VAV3: variants seen among roughly 807,000 people sequenced by gnomAD.
VAV3 encodes the protein vav guanine nucleotide exchange factor 3, also known as guanine nucleotide exchange factor VAV3.
In VAV3, 94 loss-of-function variants were observed where a neutral mutation model predicts 131.2. That is an observed-to-expected ratio of 0.72 (90% CI 0.61 to 0.85). The LOEUF (loss-of-function observed/expected upper bound fraction) is 0.85, where lower values mean the gene tolerates loss of function less well. VAV3 is among the 40% of genes least tolerant of loss of function. The probability of loss-of-function intolerance (pLI) is 0.00; values close to 1 mark genes in which losing one functional copy is unlikely to be tolerated. For missense variants in VAV3, 939 were observed against 1,002.7 expected (o/e 0.94, Z 0.86); for synonymous variants, 349 against 342.0 (o/e 1.02, Z -0.22).
At chr1:107,772,933 C>A (rs1570932644) in intron 4 of VAV3, 90 bp from the exon 5 acceptor site, 4 of 1,128,428 alleles carry the variant, frequency 3.5e-6, no homozygotes, top group Middle Eastern at 2.0e-4. Context: ...GTAAAAAATC[C>A]AGAAAGGAAA....
At chr1:107,755,652 C>A in intron 11 of VAV3, 139 bp from the exon 12 acceptor site, 1 of 614,618 alleles carries the variant, frequency 1.6e-6, no homozygotes. Flanking sequence ...AAAATGAATG[C>A]CCAGTCAATC....
Position 107,755,412 on chromosome 1 carries a change from A to G in VAV3, c.1173+15T>C, listed in dbSNP as rs772563052. 1.7e-4 allele frequency: 276 copies of G among 1,579,910 alleles called. No individual in the cohort carries two copies. The highest frequency in any genetic ancestry group is 2.3e-4 in the Non-Finnish European group (264 of 1,149,566). On this transcript the variant is annotated intron_variant, in intron 12 of 26. Coordinates refer to ENST00000370056, the MANE Select transcript of VAV3 (RefSeq NM_006113.5). ...TGGGGGTGAGGGGAAGCTGGATGGA[A>G]AGATAATTACATACCAAATTCTCTA... is the stretch of plus-strand genomic sequence containing the variant.
At chr1:107,707,749 A>G (rs376710253) in intron 15 of VAV3, among the ~76,000 whole-genome samples, 1 of 152,232 alleles carries the variant, frequency 6.6e-6, no homozygotes. Flanking sequence ...TTCAGTTCAC[A>G]CTGAAGTACA....
At chr1:107,957,773 GA>G (rs1442672525) in intron 1 of VAV3, among the ~76,000 whole-genome samples, 2 of 150,958 alleles carry the variant, frequency 1.3e-5, no homozygotes, top group Non-Finnish European at 2.9e-5. Context: ...GGGGATTCGA[GA>G]AAAATAATAA....
At chr1:107,732,078 CCATCAG>C (rs1662278416) in intron 15 of VAV3, among the ~76,000 whole-genome samples, 1 of 152,198 alleles carries the variant, frequency 6.6e-6, no homozygotes, top group Non-Finnish European at 1.5e-5. Flanking sequence ...GAAAATTTGT[CCATCAG>C]CATCACATGC....
intron 8 of VAV3, 38 bp downstream of exon 8, chr1:107,766,409 C>T: frequency 2.9e-6 from 4 of 1,384,846 alleles, no homozygotes; most frequent in Non-Finnish European, 4.1e-6. Flanking sequence ...ACTATAATTA[C>T]AAGCTAAGAC....
At chr1:107,903,883 T>C (rs1671984609) in intron 1 of VAV3, among the ~76,000 whole-genome samples, 2 of 152,122 alleles carry the variant, frequency 1.3e-5, no homozygotes, top group South Asian at 2.1e-4. Flanking sequence ...GTTCTCTTGG[T>C]CACACCCAAT....
At chr1:107,675,319 T>A (rs1436052275) in intron 19 of VAV3, among the ~76,000 whole-genome samples, 4 of 152,204 alleles carry the variant, frequency 2.6e-5, no homozygotes, top group African/African-American at 9.7e-5. Flanking sequence ...TCTCATTTAA[T>A]CTTCATAATA....
At chr1:107,744,136 A>C (rs1663185289) in intron 15 of VAV3, among the ~76,000 whole-genome samples, 1 of 152,164 alleles carries the variant, frequency 6.6e-6, no homozygotes, top group South Asian at 2.1e-4. Context: ...AGGATAGTGC[A>C]TCCTGGTCCC....
intron 15 of VAV3, among the ~76,000 whole-genome samples, chr1:107,726,083 T>C (rs1331498308): frequency 6.6e-6 from 1 of 152,150 alleles, no homozygotes; most frequent in Non-Finnish European, 1.5e-5. Flanking sequence ...AATATCCCTA[T>C]CTCAGAATTA....
At chr1:107,649,433 A>G (rs1655993542) in intron 19 of VAV3, among the ~76,000 whole-genome samples, 2 of 152,196 alleles carry the variant, frequency 1.3e-5, no homozygotes, top group South Asian at 4.1e-4. Flanking sequence ...ACTTCTGTAA[A>G]CAAAAGATGA....
At chr1:107,899,631 G>A (rs1046973049) in intron 1 of VAV3, among the ~76,000 whole-genome samples, 9 of 152,166 alleles carry the variant, frequency 5.9e-5, no homozygotes, top group African/African-American at 2.2e-4. Context: ...GCAGAATGAT[G>A]TATCAAGGCT....
chr1:107,831,757 G>T (rs545188979), intron 2 of VAV3, among the ~76,000 whole-genome samples: 1 of 152,188 alleles, frequency 6.6e-6, no homozygotes, highest in Non-Finnish European at 1.5e-5. Flanking sequence ...CCAGCATCAT[G>T]CTAGTATATA....
intron 2 of VAV3, 40 bp from the exon 3 acceptor site, chr1:107,779,532 G>GA: frequency 6.7e-7 from 1 of 1,490,126 alleles, no homozygotes; most frequent in Non-Finnish European, 9.0e-7. Context: ...ATGTAGTTCA[G>GA]AAAATATAAG....
intron 26 of VAV3, 57 bp from the exon 27 acceptor site, chr1:107,573,429 G>A (rs17236099): frequency 0.04 from 64,297 of 1,603,894 alleles, 1,470 homozygotes; most frequent in African/African-American, 0.052. Flanking sequence ...CACTTCAAAG[G>A]ATTCTACAAA....
intron 1 of VAV3, among the ~76,000 whole-genome samples, chr1:107,902,114 A>T (rs932325758): frequency 2.0e-5 from 3 of 152,152 alleles, no homozygotes; most frequent in Non-Finnish European, 4.4e-5. Context: ...AAAATAAAAA[A>T]AAATTCAGAG....
At chr1:107,612,506 C>A (rs763120353) in intron 21 of VAV3, among the ~76,000 whole-genome samples, 9 of 151,918 alleles carry the variant, frequency 5.9e-5, no homozygotes, top group Non-Finnish European at 1.3e-4. Context: ...CCTTTGTGTC[C>A]TTGAGCACCA....
intron 20 of VAV3, among the ~76,000 whole-genome samples, chr1:107,640,715 G>A (rs560371124): frequency 6.6e-6 from 1 of 152,280 alleles, no homozygotes; most frequent in East Asian, 1.9e-4. Flanking sequence ...GTTTCTGCAA[G>A]AGGCTGGCTT....
intron 2 of VAV3, among the ~76,000 whole-genome samples, chr1:107,867,518 C>T (rs1050137038): frequency 2.0e-5 from 3 of 152,158 alleles, no homozygotes; most frequent in African/African-American, 7.2e-5. Flanking sequence ...TGTTAACAGC[C>T]AGCCAGACAC....
Sources: gnomAD v4.1 joint callset for allele counts (sites outside exome capture counted in the v4.1 genomes callset) on GRCh38, gnomAD v4.1.1 for gene constraint, MANE v1.5 for transcripts, NCBI Gene and HGNC (gene_info 2026-07-23, HGNC 2026-07-21) for gene names.